PKN3: variants seen among roughly 807,000 people sequenced by gnomAD.
PKN3 encodes the protein protein kinase N3, also known as serine/threonine-protein kinase N3.
A neutral mutation model predicts 113.1 loss-of-function variants in PKN3; 91 were observed. That is an observed-to-expected ratio of 0.80 (90% CI 0.68 to 0.96). The LOEUF (loss-of-function observed/expected upper bound fraction) is 0.96. PKN3 is among the 40% of genes least tolerant of loss of function. The pLI is 0.00. For missense variants in PKN3, 1,052 were observed against 1,202.2 expected (o/e 0.88, Z 1.85); for synonymous variants, 467 against 499.0 (o/e 0.94, Z 0.85).
chr9:128,714,527 C>T (rs1291157576), intron 11 of PKN3, 35 bp from the exon 12 acceptor site: 2 of 952,102 alleles, frequency 2.1e-6, no homozygotes, highest in Non-Finnish European at 3.5e-6. Flanking sequence ...TTGCGTCTGC[C>T]TGTGCTGGGC....
At position 128,708,384 on chromosome 9, in the gene PKN3, AAAT is replaced by A. The variant is rs1274425771; in HGVS notation, c.835+992_835+994del. ...TAACAGGGCAAGACTCCATCTCAAA[AAAT>A]AATAATAATAATTTCCTTGGAAAAA... On this transcript the variant is annotated intron_variant, in intron 6 of 21. Transcript: ENST00000291906. Among the ~76,000 whole-genome samples, 6 of 152,020 alleles carry A rather than the reference AAAT, an allele frequency of 3.9e-5. No homozygotes were observed. In the South Asian group the frequency reaches 8.3e-4, roughly 21 times the overall value.
Position 128,715,119 on chromosome 9 carries a change from A to G in PKN3, c.1653-53A>G. On this transcript the variant is annotated intron_variant, in intron 13 of 21. Transcript: ENST00000291906. This position sits in a 1 kb window ranked among gnomAD's most constrained non-coding sequence, Gnocchi z 4.1. Reference sequence around the variant, plus strand: ...TGGGAGGCTTGGAGTGGCTCTGGGTAGGGGCCCAGCCAGTGCCCTAGGGGA... The same window carrying G: ...TGGGAGGCTTGGAGTGGCTCTGGGTGGGGGCCCAGCCAGTGCCCTAGGGGA... 6.4e-7 allele frequency: 1 copy of G among 1,560,316 alleles called. No individual in the cohort carries two copies. Among genetic ancestry groups the G allele is most frequent in the Non-Finnish European group, 8.8e-7 (1 of 1,132,066 alleles).
In PKN3 at chr9:128,718,639, A is replaced by G. The variant is rs752031080; in HGVS notation, c.2125+14A>G. On this transcript the variant is annotated intron_variant, in intron 18 of 21. Coordinates refer to ENST00000291906, the MANE Select transcript of PKN3 (RefSeq NM_013355.5). Reference sequence around the variant, plus strand: ...TCTGCAAGGAAGGTGGGGGCCGCCCATTGGGATCCATATCTCCAGCCTTGT... The same window carrying G: ...TCTGCAAGGAAGGTGGGGGCCGCCCGTTGGGATCCATATCTCCAGCCTTGT... 6.2e-7 allele frequency: 1 copy of G among 1,612,482 alleles called. No individual in the cohort carries two copies. Among genetic ancestry groups the G allele is most frequent in the Admixed American group, 1.7e-5 (1 of 59,998 alleles).
chr9:128,714,918 C>T (rs988438162), intron 13 of PKN3, 53 bp downstream of exon 13: 10 of 1,525,260 alleles, frequency 6.6e-6, no homozygotes, highest in Non-Finnish European at 9.1e-6. Context: ...CTTGCTTGAA[C>T]ATTTGTGTAT....
Position 128,720,749 on chromosome 9 carries a change from T to C in PKN3, c.*143T>C. On this transcript the variant is annotated 3_prime_UTR_variant, in exon 22 of 22. Coordinates refer to ENST00000291906, the MANE Select transcript of PKN3 (RefSeq NM_013355.5). The surrounding 1 kb of genome is among the most constrained non-coding windows in gnomAD (Gnocchi z 5.5). ...TTCAAAGTGGCAGCCATGGGGCCAC[T>C]GTTGTGGGCTTTGCTCAGTGTCACT... is the stretch of plus-strand genomic sequence containing the variant. 1.4e-6 allele frequency: 1 copy of C among 713,406 alleles called. No individual in the cohort carries two copies. Among genetic ancestry groups the C allele is most frequent in the East Asian group, 2.7e-5 (1 of 36,870 alleles). 44.2% of individuals were successfully genotyped at this position (713,406 alleles called of 1,614,324 possible). A position where few individuals can be genotyped will look rare whatever the true frequency, so the allele number is the denominator to read the frequency against.
chr9:128,718,649 A>C (rs370186462), intron 18 of PKN3, 24 bp downstream of exon 18: 1 of 1,609,992 alleles, frequency 6.2e-7, no homozygotes, highest in South Asian at 1.1e-5. Flanking sequence ...ATTGGGATCC[A>C]TATCTCCAGC....
rs567458344 is a variant in PKN3, at chr9:128,706,577, G to C, written c.412-136G>C. 27 of 657,442 alleles carry C rather than the reference G, an allele frequency of 4.1e-5. 1 individual carries two copies. The South Asian group carries it at 5.2e-4, about 13-fold the overall frequency. 40.7% of individuals were successfully genotyped at this position (657,442 alleles called of 1,614,324 possible). ...CCCACCAACTAGTCCAACAAGGGAG[G>C]CTTGACTTTAGTGTTTGGCCTAGAG... On this transcript the variant is annotated intron_variant, in intron 3 of 21. Transcript: ENST00000291906.
chr9:128,705,198 G>A, intron 1 of PKN3, 105 bp from the exon 2 acceptor site: 1 of 1,411,494 alleles, frequency 7.1e-7, no homozygotes, highest in Non-Finnish European at 9.6e-7. Flanking sequence ...AGTCAGTCCT[G>A]GGTGCCGTCC....
rs749614441 is a variant in PKN3 at position 128,714,367 on chromosome 9, T to A, written c.1481+2T>A. 6.3e-7 allele frequency: 1 copy of A among 1,598,030 alleles called. No individual in the cohort carries two copies. Among genetic ancestry groups the A allele is most frequent in the Non-Finnish European group, 8.5e-7 (1 of 1,170,976 alleles). ...GGCCTCTGACCCTGCCACTCCCAGG[T>A]GAGGAGCTCCCTTGCCCTAGACTGC... On this transcript the variant is annotated splice_donor_variant, in intron 11 of 21. Transcript: ENST00000291906. LOFTEE classifies it high-confidence loss of function.
At chr9:128,712,965 G>T in intron 6 of PKN3, 87 bp from the exon 7 acceptor site, 1 of 1,419,006 alleles carries the variant, frequency 7.0e-7, no homozygotes, top group South Asian at 1.3e-5. Flanking sequence ...TCCTGGAGAG[G>T]GTGGCCTTCC....
chr9:128,707,521 C>T, intron 6 of PKN3, 116 bp downstream of exon 6: 1 of 830,442 alleles, frequency 1.2e-6, no homozygotes, highest in South Asian at 1.8e-5. Context: ...CACCCACTAG[C>T]AGCGTGACCT....
Position 128,705,346 on chromosome 9 carries a change from T to C in PKN3, c.68T>C (p.Ile23Thr), listed in dbSNP as rs1284710994. Residue 23 changes from isoleucine (I) to threonine (T), a missense_variant, in exon 2 of 22, where the codon ATC becomes ACC. By Grantham distance (89) the Ile-to-Thr change is moderately conservative. This residue lies in a region of PKN3 where 719 missense variants were observed against 759.4 expected (regional missense o/e 0.95). Transcript: ENST00000291906. ...QWPPEDEKEVIRRAIQKELKI... is the reference protein window; with the variant it reads ...QWPPEDEKEVTRRAIQKELKI... ...CCCCCAGAGGATGAGAAGGAGGTGA[T>C]CCGCCGGGCCATCCAGAAAGAGCTG... 6.3e-7 allele frequency: 1 copy of C among 1,577,368 alleles called. No individual in the cohort carries two copies. Among genetic ancestry groups the C allele is most frequent in the African/African-American group, 1.4e-5 (1 of 74,036 alleles).
rs1294845548 is a variant in PKN3, at chr9:128,716,734, C to T, written c.1809-13C>T. On this transcript the variant is annotated splice_polypyrimidine_tract_variant and intron_variant, in intron 15 of 21. Coordinates refer to ENST00000291906, the MANE Select transcript of PKN3 (RefSeq NM_013355.5). ...GTTTTCCTTCCCTCTAATACTCTTG[C>T]TCTCTCCTGTAGCCTGTACTGCGAG... 3.1e-6 allele frequency: 5 copies of T among 1,611,528 alleles called. No individual in the cohort carries two copies. Among genetic ancestry groups the T allele is most frequent in the Non-Finnish European group, 8.5e-7 (1 of 1,178,242 alleles).
intron 6 of PKN3, among the ~76,000 whole-genome samples, chr9:128,711,060 C>T (rs1164419573): frequency 3.3e-5 from 5 of 151,696 alleles, no homozygotes; most frequent in African/African-American, 1.2e-4. Context: ...GACTGGAGTG[C>T]AGTGGCGCAA....
intron 6 of PKN3, among the ~76,000 whole-genome samples, chr9:128,712,100 G>C (rs1427731982): frequency 6.6e-6 from 1 of 152,142 alleles, no homozygotes; most frequent in Non-Finnish European, 1.5e-5. Flanking sequence ...AGTTGGGATG[G>C]GGTTTCGCCA....
At chr9:128,712,107 G>A (rs985195575) in intron 6 of PKN3, among the ~76,000 whole-genome samples, 2 of 151,968 alleles carry the variant, frequency 1.3e-5, no homozygotes, top group South Asian at 2.1e-4. Flanking sequence ...ATGGGGTTTC[G>A]CCATGTTGGT....
In PKN3 at chr9:128,705,961, G is replaced by A. The variant is rs113999951; in HGVS notation, c.411+82G>A. ...TGCACCTCAGCCATTGGGCTCATAA[G>A]GAGACACCATTCCAGCCTGCAGCCT... is the stretch of plus-strand genomic sequence containing the variant. On this transcript the variant is annotated intron_variant, in intron 3 of 21. Coordinates refer to ENST00000291906, the MANE Select transcript of PKN3 (RefSeq NM_013355.5). 1.3e-3 allele frequency: 1,813 copies of A among 1,386,424 alleles called. 22 individuals carry two copies. In the African/African-American group the frequency reaches 0.023, roughly 17 times the overall value. 85.9% of individuals were successfully genotyped at this position (1,386,424 alleles called of 1,614,324 possible).
In PKN3 at chr9:128,702,833, A is replaced by T; in HGVS notation, c.-83A>T. 2.9e-6 allele frequency: 3 copies of T among 1,047,992 alleles called. No homozygotes were observed. The highest frequency in any genetic ancestry group is 4.2e-6 in the Non-Finnish European group (3 of 722,858). The allele number at this position is 1,047,992 out of a possible 1,614,324, so 64.9% of individuals were successfully genotyped here. A position where few individuals can be genotyped will look rare whatever the true frequency, so the allele number is the denominator to read the frequency against. ...CGGCGCCGCTTCCCGGGAAGTTTCA[A>T]GTTTGAAAGTCCTGGCGGAGGGTCT... On this transcript the variant is annotated 5_prime_UTR_variant, in exon 1 of 22. The change creates a new upstream start codon in the 5' untranslated region. Coordinates refer to ENST00000291906, the MANE Select transcript of PKN3 (RefSeq NM_013355.5).
Position 128,702,954 on chromosome 9 carries a change from A to G in PKN3, c.24+15A>G. ...CGCCGCGGCAGGTGAACGGCGTGGG[A>G]GGGGCGCGCGGGCCCGGGGGGTGCG... On this transcript the variant is annotated intron_variant, in intron 1 of 21. Coordinates refer to ENST00000291906, the MANE Select transcript of PKN3 (RefSeq NM_013355.5). The G allele has an allele frequency of 7.0e-7, 1 of 1,427,496 alleles. No individual in the cohort carries two copies. Among genetic ancestry groups the G allele is most frequent in the South Asian group, 1.4e-5 (1 of 72,570 alleles). 88.4% of individuals were successfully genotyped at this position (1,427,496 alleles called of 1,614,324 possible). A position where few individuals can be genotyped will look rare whatever the true frequency, so the allele number is the denominator to read the frequency against.
Sources: allele counts gnomAD v4.1 joint callset (sites outside exome capture counted in the v4.1 genomes callset), GRCh38; gene constraint gnomAD v4.1.1; regional missense constraint gnomAD v4.1.1; non-coding constraint Gnocchi (gnomAD v3.1); transcripts MANE v1.5; gene names NCBI Gene and HGNC (gene_info 2026-07-23, HGNC 2026-07-21).